Variants in PER3 observed in about 807,000 individuals in gnomAD.
PER3 encodes the protein period circadian regulator 3.
In PER3, 107 loss-of-function variants were observed where a neutral mutation model predicts 127.2. The ratio of observed to expected loss-of-function variants is 0.84; its 90% CI spans 0.72 to 0.99. The LOEUF is 0.99. Ranked by LOEUF, PER3 falls within the 50% of genes least tolerant of loss-of-function variation. The pLI is 0.00. For synonymous variants in PER3, 618 were observed against 585.8 expected (o/e 1.05, Z -0.79); for missense variants, 1,560 against 1,525.8 (o/e 1.02, Z -0.37).
At chr1:7,801,222 T>C (rs773473575) in intron 8 of PER3, 31 bp downstream of exon 8, 1 of 1,202,482 alleles carries the variant, frequency 8.3e-7, no homozygotes, top group African/African-American at 1.5e-5. Flanking sequence ...AAAAGAAATT[T>C]GTTTCTGAAA....
chr1:7,794,580 G>C (rs1197182498), intron 6 of PER3, among the ~76,000 whole-genome samples: 1 of 152,194 alleles, frequency 6.6e-6, no homozygotes, highest in Non-Finnish European at 1.5e-5. Flanking sequence ...ATCACTAGAT[G>C]TGAAGTACAC....
In PER3 at chr1:7,788,076, C is replaced by T; in HGVS notation, c.422C>T (p.Ser141Phe). ...DTFVAVFSFL[S>F]GRLVHISEQA... ...TTTGTGGCAGTATTTTCATTTCTGT[C>T]TGGAAGGTTAGTGCACATTTCTGAA... The change falls in exon 5 of 22, where the codon TCT becomes TTT. Residue 141 changes from serine (S) to phenylalanine (F), a missense_variant. Ser to Phe is a radical substitution (Grantham distance 155). This residue lies in a region of PER3 where 1,332 missense variants were observed against 1,223.6 expected (regional missense o/e 1.09). Coordinates refer to ENST00000377532, the MANE Select transcript of PER3 (RefSeq NM_001377275.1). 1 of 1,613,348 alleles carries T rather than the reference C, an allele frequency of 6.2e-7. No homozygotes were observed. The highest frequency in any genetic ancestry group is 8.5e-7 in the Non-Finnish European group (1 of 1,179,328).
chr1:7,830,689 A>G (rs2097327480), intron 19 of PER3, among the ~76,000 whole-genome samples: 1 of 152,178 alleles, frequency 6.6e-6, no homozygotes, highest in African/African-American at 2.4e-5. Context: ...CTTTCTTTAC[A>G]TTGGGATATC....
chr1:7,801,060 G>T, intron 7 of PER3, 53 bp from the exon 8 acceptor site: 1 of 1,019,220 alleles, frequency 9.8e-7, no homozygotes, highest in Non-Finnish European at 1.5e-6. Context: ...TAGTTAGGTG[G>T]ATAATTAATT....
chr1:7,810,297 C>T, intron 12 of PER3, 141 bp from the exon 13 acceptor site: 1 of 677,558 alleles, frequency 1.5e-6, no homozygotes. Context: ...TGGCATGGTG[C>T]AGGAAACTGG....
intron 19 of PER3, among the ~76,000 whole-genome samples, chr1:7,832,487 C>T (rs1418778518): frequency 6.6e-6 from 1 of 150,414 alleles, no homozygotes; most frequent in African/African-American, 2.5e-5. Flanking sequence ...GATTCTCCTG[C>T]CTTAGCCTCC....
At chr1:7,836,881 C>T (rs1432613168) in intron 20 of PER3, 118 bp from the exon 21 acceptor site, 6 of 652,544 alleles carry the variant, frequency 9.2e-6, no homozygotes, top group Non-Finnish European at 1.6e-5. Flanking sequence ...ATGTATGCCT[C>T]ATGTGTTAGA....
rs375390542 is a variant in PER3 at position 7,798,615 on chromosome 1, A to G, written c.735A>G (p.Glu245=). The G allele has an allele frequency of 6.2e-7, 1 of 1,613,640 alleles. No homozygotes were observed. Among genetic ancestry groups the G allele is most frequent in the African/African-American group, 1.3e-5 (1 of 74,920 alleles). Reference sequence around the variant, plus strand: ...ATGTACATCACCCTGCCCAGCCAGAATTGGAATCGGAACCTTGCTGTCTCA... The same window carrying G: ...ATGTACATCACCCTGCCCAGCCAGAGTTGGAATCGGAACCTTGCTGTCTCA... ...LIHVHHPAQP[E]LESEPCCLTV... is the part of the protein sequence containing the mutation. Residue 245 remains glutamate (E), a synonymous_variant, in exon 7 of 22, where the codon GAA becomes GAG. Transcript: ENST00000377532.
In PER3 at chr1:7,819,312, A is replaced by G; in HGVS notation, c.1550A>G (p.His517Arg). The change falls in exon 14 of 22, where the codon CAC (histidine) becomes CGC (arginine). Residue 517 changes from histidine (H) to arginine (R), a missense_variant. Physicochemically the swap from His to Arg is conservative, Grantham distance 29 (BLOSUM62 0). This residue lies in a region of PER3 where 1,332 missense variants were observed against 1,223.6 expected (regional missense o/e 1.09). Transcript: ENST00000377532. ...GGECKTFTSF[H>R]QTLKNNSVYT... is the part of the protein sequence containing the mutation. ...GAATGTAAGACCTTTACTTCCTTCCACCAAACACTGAAAAACAATAGTGTG... is the reference window on the plus strand; with the variant it reads ...GAATGTAAGACCTTTACTTCCTTCCGCCAAACACTGAAAAACAATAGTGTG... 1.2e-6 allele frequency: 2 copies of G among 1,613,886 alleles called. No individual in the cohort carries two copies. Among genetic ancestry groups the G allele is most frequent in the Non-Finnish European group, 1.7e-6 (2 of 1,179,768 alleles).
At chr1:7,817,121 TG>T in intron 13 of PER3, among the ~76,000 whole-genome samples, 1 of 152,348 alleles carries the variant, frequency 6.6e-6, no homozygotes, top group Non-Finnish European at 1.5e-5. Flanking sequence ...GCTCTAGCTC[TG>T]GAAAACAGAT....
intron 19 of PER3, among the ~76,000 whole-genome samples, chr1:7,831,042 A>G (rs982039802): frequency 6.6e-6 from 1 of 152,374 alleles, no homozygotes; most frequent in African/African-American, 2.4e-5. Context: ...TGTTGAATCT[A>G]TAGATGATCA....
chr1:7,788,314 T>A (rs2097101788), intron 5 of PER3, 68 bp downstream of exon 5: 1 of 1,086,804 alleles, frequency 9.2e-7, no homozygotes, highest in Non-Finnish European at 1.4e-6. Context: ...ACAGGAATAG[T>A]ACAGAAATTA....
intron 9 of PER3, 23 bp from the exon 10 acceptor site, chr1:7,803,669 T>C: frequency 6.9e-7 from 1 of 1,453,872 alleles, no homozygotes; most frequent in Non-Finnish European, 9.6e-7. Context: ...TAAATCCTAT[T>C]TTTGTCTTAT....
At position 7,829,921 on chromosome 1, in the gene PER3, TC is replaced by T; in HGVS notation, c.2977del (p.His993IlefsTer14). The T allele has an allele frequency of 1.4e-5, 18 of 1,330,178 alleles. No individual in the cohort carries two copies. The highest frequency in any genetic ancestry group is 4.6e-5 in the Admixed American group (2 of 43,846). The allele number at this position is 1,330,178 out of a possible 1,614,324, so 82.4% of individuals were successfully genotyped here. A position where few individuals can be genotyped will look rare whatever the true frequency, so the allele number is the denominator to read the frequency against. On this transcript the variant is annotated frameshift_variant, in exon 19 of 22. Transcript: ENST00000377532. LOFTEE classifies it high-confidence loss of function. ...STGSPPRENP[S>X]HPTASALSTG... ...GGGGTCACCTCCCAGGGAGAATCCATCCCATCCTACTGCCAGCGCTCTGTCC... is the reference window on the plus strand; with the variant it reads ...GGGGTCACCTCCCAGGGAGAATCCATCCATCCTACTGCCAGCGCTCTGTCC...
At chr1:7,791,991 C>G (rs2097123913) in intron 5 of PER3, among the ~76,000 whole-genome samples, 1 of 152,210 alleles carries the variant, frequency 6.6e-6, no homozygotes, top group African/African-American at 2.4e-5. Context: ...CCAAACTGTT[C>G]CAGTGTCTGC....
At chr1:7,834,793 A>G (rs1220470290) in intron 19 of PER3, among the ~76,000 whole-genome samples, 22 of 152,070 alleles carry the variant, frequency 1.4e-4, no homozygotes, top group Admixed American at 1.3e-3. Context: ...TTTTTTTATT[A>G]CTTTTTTATT....
intron 10 of PER3, among the ~76,000 whole-genome samples, chr1:7,806,810 AAAAT>A (rs1178657531): frequency 1.9e-3 from 140 of 75,266 alleles, no homozygotes; most frequent in Middle Eastern, 7.8e-3. Flanking sequence ...AAAAAAAAAA[AAAAT>A]ATATATATAT....
chr1:7,841,630 T>C (rs1448847558), intron 21 of PER3, among the ~76,000 whole-genome samples: 1 of 152,138 alleles, frequency 6.6e-6, no homozygotes, highest in Admixed American at 6.5e-5. Context: ...TCAGTCCAGT[T>C]GTTGTCTAGG....
intron 18 of PER3, among the ~76,000 whole-genome samples, chr1:7,829,233 A>G (rs1365932640): frequency 6.6e-6 from 1 of 152,210 alleles, no homozygotes; most frequent in Non-Finnish European, 1.5e-5. Context: ...ATACATATCT[A>G]TGGTAAAGTT....
Sources: gnomAD v4.1 joint callset for allele counts (sites outside exome capture counted in the v4.1 genomes callset) on GRCh38, gnomAD v4.1.1 for gene constraint, gnomAD v4.1.1 regional missense constraint, MANE v1.5 for transcripts, NCBI Gene and HGNC (gene_info 2026-07-23, HGNC 2026-07-21) for gene names.